CGNL1: variants seen among roughly 807,000 people sequenced by gnomAD.
The protein encoded by CGNL1 is cingulin like 1, also known as cingulin-like protein 1.
In CGNL1, 132 loss-of-function variants were observed where a neutral mutation model predicts 141.2. The ratio of observed to expected loss-of-function variants is 0.93; its 90% CI spans 0.81 to 1.08. The LOEUF is 1.08. Among genes scored for constraint, CGNL1 ranks in the 50% least tolerant of loss-of-function variants. The pLI is 0.00. For synonymous variants in CGNL1, 690 were observed against 622.1 expected, an observed-to-expected ratio of 1.11 and a Z score of -1.63; for missense variants, 1,870 against 1,588.6, an observed-to-expected ratio of 1.18 and a Z score of -3.01.
rs565323937 is a variant in CGNL1 at position 57,463,461 on chromosome 15, A to G, written c.2403+1569A>G. Among the ~76,000 whole-genome samples, 7 of 152,358 alleles carry G rather than the reference A, an allele frequency of 4.6e-5. No individual in the cohort carries two copies. In the South Asian group the frequency reaches 1.4e-3, roughly 32 times the overall value. ...ACTACATTGACCCATATCAGTCTGT[A>G]AAAACGAAACAGGCGAAGTAGTCAA... On this transcript the variant is annotated intron_variant, in intron 8 of 18. Transcript: ENST00000281282.
chr15:57,475,234 C>G (rs1227549105), intron 8 of CGNL1, among the ~76,000 whole-genome samples: 3 of 152,228 alleles, frequency 2.0e-5, no homozygotes, highest in Non-Finnish European at 4.4e-5. Flanking sequence ...GGCCTGCACT[C>G]CACCACCTGG....
chr15:57,382,554 C>T (rs1664464), intron 1 of CGNL1, among the ~76,000 whole-genome samples: 85,315 of 152,120 alleles, frequency 0.56, 25,158 homozygotes, highest in Non-Finnish European at 0.64. Context: ...AGCTCCTCGA[C>T]TGTTAATAAT....
chr15:57,517,996 TA>T (rs61279417), intron 9 of CGNL1, among the ~76,000 whole-genome samples: 25,212 of 147,154 alleles, frequency 0.17, 2,838 homozygotes, highest in African/African-American at 0.33. Context: ...ATATTTCTAT[TA>T]AAAAAAAAAA....
chr15:57,377,997 A>G (rs147685328), intron 1 of CGNL1, among the ~76,000 whole-genome samples: 1,716 of 152,352 alleles, frequency 0.011, 18 homozygotes, highest in African/African-American at 0.027. Context: ...TTGTGTTAAC[A>G]TAAGTCCATT....
In CGNL1 at chr15:57,477,892, C is replaced by T. The variant is rs116567900; in HGVS notation, c.2403+16000C>T. ...TCCTGCTGCTGAACTGGAGAGAAAA[C>T]GTGGCTGGCAGGTGGTGAACTCTCT... On this transcript the variant is annotated intron_variant, in intron 8 of 18. Coordinates refer to ENST00000281282, the MANE Select transcript of CGNL1 (RefSeq NM_032866.5). 3.4e-4 allele frequency among the ~76,000 whole-genome samples: 52 copies of T among 152,254 alleles called. 1 individual carries two copies. Among genetic ancestry groups the T allele is most frequent in the African/African-American group, 1.2e-3 (49 of 41,554 alleles).
Position 57,524,598 on chromosome 15 carries a change from G to T in CGNL1, c.2886G>T (p.Glu962Asp). Residue 962 changes from glutamate (E) to aspartate (D), a missense_variant, in exon 12 of 19, where the codon GAG becomes GAT. Coordinates refer to ENST00000281282, the MANE Select transcript of CGNL1 (RefSeq NM_032866.5). ...TCTTCTAGATGGCAGACATTGTTGA[G>T]GCCTCCCGTACCTCAACCCTGGAGC... ...KLQKEMADIVEASRTSTLELQ... is the reference protein window; with the variant it reads ...KLQKEMADIVDASRTSTLELQ... The T allele has an allele frequency of 6.2e-6, 10 of 1,613,132 alleles. No individual in the cohort carries two copies. Among genetic ancestry groups the T allele is most frequent in the Non-Finnish European group, 7.6e-6 (9 of 1,179,742 alleles).
At chr15:57,434,954 C>T (rs950344952) in intron 1 of CGNL1, among the ~76,000 whole-genome samples, 1 of 151,862 alleles carries the variant, frequency 6.6e-6, no homozygotes, top group Non-Finnish European at 1.5e-5. Flanking sequence ...TAATATAACA[C>T]AAAAGGAAGA....
intron 8 of CGNL1, among the ~76,000 whole-genome samples, chr15:57,504,550 A>G (rs2064073966): frequency 6.6e-6 from 1 of 152,226 alleles, no homozygotes; most frequent in African/African-American, 2.4e-5. Context: ...ACAGCCTCCA[A>G]AGCTCTGTAG....
chr15:57,433,987 C>G (rs1040702889), intron 1 of CGNL1, among the ~76,000 whole-genome samples: 3 of 132,392 alleles, frequency 2.3e-5, no homozygotes, highest in African/African-American at 8.4e-5. Flanking sequence ...ACTTGCAGAG[C>G]CACCAATCTG....
chr15:57,465,383 CTTTTTTTTTTT>C (rs11332989), intron 8 of CGNL1, among the ~76,000 whole-genome samples: 1 of 80,840 alleles, frequency 1.2e-5, no homozygotes, highest in African/African-American at 5.1e-5. Flanking sequence ...TAAAAACTGA[CTTTTTTTTTTT>C]TTTTTTTTTT....
intron 1 of CGNL1, among the ~76,000 whole-genome samples, chr15:57,386,430 C>T (rs1465182178): frequency 6.6e-6 from 1 of 152,132 alleles, no homozygotes; most frequent in African/African-American, 2.4e-5. Context: ...TTCACGGGAT[C>T]CGTTTCAGTC....
At position 57,483,470 on chromosome 15, in the gene CGNL1, T is replaced by TTC. The variant is rs1464381722; in HGVS notation, c.2403+21579_2403+21580insCT. On this transcript the variant is annotated intron_variant, in intron 8 of 18. Transcript: ENST00000281282. The stretch of plus-strand genomic sequence containing the variant: ...AATCACATATTCTACAAAGTTTTCT[T>TTC]TTTTTTTTTTTTTTTGTGACAGGGA... 7.7e-4 allele frequency among the ~76,000 whole-genome samples: 65 copies of TTC among 84,662 alleles called. 1 individual carries two copies. Among genetic ancestry groups the TTC allele is most frequent in the African/African-American group, 2.7e-3 (61 of 22,594 alleles). 55.5% of individuals were successfully genotyped at this position (84,662 alleles called of 152,430 possible). A position where few individuals can be genotyped will look rare whatever the true frequency, so the allele number is the denominator to read the frequency against.
At chr15:57,378,844 C>G (rs182138660) in intron 1 of CGNL1, among the ~76,000 whole-genome samples, 1 of 152,080 alleles carries the variant, frequency 6.6e-6, no homozygotes, top group Non-Finnish European at 1.5e-5. Context: ...CTCGCTTTTC[C>G]CCAACTTCCA....
chr15:57,468,223 C>T (rs60758662), intron 8 of CGNL1, among the ~76,000 whole-genome samples: 10,458 of 118,904 alleles, frequency 0.088, 800 homozygotes, highest in East Asian at 0.35. Flanking sequence ...TTTTTCTTTT[C>T]TTTTCTTTTT....
chr15:57,439,039 C>G lies in CGNL1; in HGVS notation c.1040C>G (p.Thr347Arg), dbSNP rs1353178328. 6.2e-7 allele frequency: 1 copy of G among 1,614,172 alleles called. No individual in the cohort carries two copies. Among genetic ancestry groups the G allele is most frequent in the Non-Finnish European group, 8.5e-7 (1 of 1,180,036 alleles). Residue 347 changes from threonine to arginine, a missense_variant, in exon 2 of 19, where the codon ACA becomes AGA. Transcript: ENST00000281282. ...CCAGGAACTGGACGGGATATTGATA[C>G]AGGATCAATTCCTGGTGTGGATCAG... ...FLPGTGRDID[T>R]GSIPGVDQLI...
At chr15:57,513,873 C>G (rs1294131478) in intron 8 of CGNL1, among the ~76,000 whole-genome samples, 1 of 152,096 alleles carries the variant, frequency 6.6e-6, no homozygotes, top group African/African-American at 2.4e-5. Context: ...TTGCTAGGTC[C>G]TACCGTAACT....
chr15:57,394,734 G>A (rs1427024974), intron 1 of CGNL1, among the ~76,000 whole-genome samples: 4 of 152,230 alleles, frequency 2.6e-5, no homozygotes, highest in Non-Finnish European at 4.4e-5. Flanking sequence ...TCAGGGTGGT[G>A]TGGCTGGAGA....
intron 8 of CGNL1, among the ~76,000 whole-genome samples, chr15:57,510,754 A>G (rs569299829): frequency 6.6e-6 from 1 of 152,240 alleles, no homozygotes; most frequent in Admixed American, 6.5e-5. Flanking sequence ...GGGTTTCTGG[A>G]GTGGAAAAGT....
In CGNL1 at chr15:57,453,737, C is replaced by T. The variant is rs774308935; in HGVS notation, c.2109C>T (p.Leu703=). The change falls in exon 7 of 19, where the codon CTC becomes CTT. Residue 703 remains leucine, a synonymous_variant. Coordinates refer to ENST00000281282, the MANE Select transcript of CGNL1 (RefSeq NM_032866.5). ...REQHQTEIRD[L]QDQLSEMHDE... ...AGCATCAGACTGAGATCAGGGATCTCCAGGACCAGCTCTCAGAAATGCACG... is the reference window on the plus strand; with the variant it reads ...AGCATCAGACTGAGATCAGGGATCTTCAGGACCAGCTCTCAGAAATGCACG... 6.2e-7 allele frequency: 1 copy of T among 1,613,810 alleles called. No homozygotes were observed. The highest frequency in any genetic ancestry group is 8.5e-7 in the Non-Finnish European group (1 of 1,179,944).
Sources: allele counts gnomAD v4.1 joint callset (sites outside exome capture counted in the v4.1 genomes callset), GRCh38; gene constraint gnomAD v4.1.1; transcripts MANE v1.5; gene names NCBI Gene and HGNC (gene_info 2026-07-23, HGNC 2026-07-21).